The following DIRAS2 variants were observed in gnomAD, a reference collection of about 807,000 sequenced individuals.
DIRAS2 encodes the protein DIRAS family GTPase 2, also known as GTP-binding protein Di-Ras2.
Under a neutral mutation model 13.9 loss-of-function variants are expected in DIRAS2, and 5 were observed. The ratio of observed to expected loss-of-function variants is 0.36; its 90% CI spans 0.19 to 0.76. The LOEUF (loss-of-function observed/expected upper bound fraction) is 0.76. Ranked by LOEUF, DIRAS2 falls within the 30% of genes least tolerant of loss-of-function variation. The pLI is 0.53. For missense variants in DIRAS2, 191 were observed against 263.0 expected, an observed-to-expected ratio of 0.73 and a Z score of 1.89; for synonymous variants, 111 against 105.4, an observed-to-expected ratio of 1.05 and a Z score of -0.33.
At position 90,613,948 on chromosome 9, in the gene DIRAS2, C is replaced by A; in HGVS notation, c.-36-85G>T. On this transcript the variant is annotated intron_variant, in intron 1 of 1. Coordinates refer to ENST00000375765, the MANE Select transcript of DIRAS2 (RefSeq NM_017594.5). This position sits in a 1 kb window ranked among gnomAD's most constrained non-coding sequence, Gnocchi z 5.6. ...GGATAGCTCTACCCTCTTTTGATAG[C>A]TTAAAAATGGGAGGTGATAACATTT... 3 of 1,268,380 alleles carry A rather than the reference C, an allele frequency of 2.4e-6. No individual in the cohort carries two copies. The highest frequency in any genetic ancestry group is 1.7e-5 in the South Asian group (1 of 59,386). The allele number at this position is 1,268,380 out of a possible 1,614,324, so 78.6% of individuals were successfully genotyped here.
intron 1 of DIRAS2, among the ~76,000 whole-genome samples, chr9:90,628,552 C>T (rs111325378): frequency 0.067 from 9,713 of 145,820 alleles, 359 homozygotes; most frequent in Admixed American, 0.081. Context: ...CACACACACA[C>T]GTATTTTTTT....
chr9:90,621,315 CTGG>C (rs1167153019), intron 1 of DIRAS2, among the ~76,000 whole-genome samples: 9 of 152,166 alleles, frequency 5.9e-5, no homozygotes, highest in South Asian at 4.2e-4. Flanking sequence ...CTGTATAGAT[CTGG>C]TGATGGATAA....
At chr9:90,616,683 GCTGAGATCATGCCACCGCACTCCAGC>G (rs557302569) in intron 1 of DIRAS2, among the ~76,000 whole-genome samples, 16 of 137,944 alleles carry the variant, frequency 1.2e-4, no homozygotes, top group Non-Finnish European at 1.7e-4. Flanking sequence ...GTGGCAGTGA[GCTGAGATCATGCCACCGCACTCCAGC>G]CTGGGTGACA....
At chr9:90,635,831 TCA>T in intron 1 of DIRAS2, among the ~76,000 whole-genome samples, 1 of 152,274 alleles carries the variant, frequency 6.6e-6, no homozygotes, top group East Asian at 1.9e-4. Flanking sequence ...GGTAAAAGAC[TCA>T]CAGTTTCTAA....
At chr9:90,642,370 C>A (rs1825426468) in intron 1 of DIRAS2, among the ~76,000 whole-genome samples, 3 of 152,208 alleles carry the variant, frequency 2.0e-5, no homozygotes, top group African/African-American at 4.8e-5. Context: ...CAGTCCCTAG[C>A]GTGCTTGGCT....
At chr9:90,620,696 G>C (rs116146786) in intron 1 of DIRAS2, among the ~76,000 whole-genome samples, 1 of 151,308 alleles carries the variant, frequency 6.6e-6, no homozygotes, top group Non-Finnish European at 1.5e-5. Flanking sequence ...CAGAGATCAC[G>C]CCACTGCACT....
chr9:90,615,720 G>A (rs1587719110), intron 1 of DIRAS2, among the ~76,000 whole-genome samples: 1 of 152,280 alleles, frequency 6.6e-6, no homozygotes. Flanking sequence ...GGCATGATAA[G>A]ACAGAGCAAG....
intron 1 of DIRAS2, among the ~76,000 whole-genome samples, chr9:90,634,770 G>C (rs1323548204): frequency 1.3e-5 from 2 of 152,206 alleles, no homozygotes; most frequent in Non-Finnish European, 2.9e-5. Flanking sequence ...GTGAGCTCTG[G>C]TAAATTAGAA....
chr9:90,623,364 C>T (rs1282707649), intron 1 of DIRAS2, among the ~76,000 whole-genome samples: 1 of 152,126 alleles, frequency 6.6e-6, no homozygotes, highest in East Asian at 1.9e-4. Context: ...GATACACACC[C>T]CTGTTATTTT....
At chr9:90,625,823 G>A (rs919581637) in intron 1 of DIRAS2, 5 of 152,118 alleles carry the variant, frequency 3.3e-5, no homozygotes, top group African/African-American at 1.2e-4. Context: ...CATACAAATA[G>A]ATAAATTAGG....
chr9:90,625,107 G>T (rs1294700446), intron 1 of DIRAS2, among the ~76,000 whole-genome samples: 1 of 152,178 alleles, frequency 6.6e-6, no homozygotes, highest in Non-Finnish European at 1.5e-5. Context: ...ACCTCTGCAG[G>T]GAAATAGTTA....
At chr9:90,630,959 C>T (rs1336990174) in intron 1 of DIRAS2, among the ~76,000 whole-genome samples, 4 of 152,128 alleles carry the variant, frequency 2.6e-5, no homozygotes, top group African/African-American at 9.7e-5. Flanking sequence ...CCAATCAGCA[C>T]AATTAAGAAC....
chr9:90,613,012 T>A lies in DIRAS2; in HGVS notation c.*216A>T, dbSNP rs750929428. On this transcript the variant is annotated 3_prime_UTR_variant, in exon 2 of 2. Transcript: ENST00000375765. The surrounding 1 kb of genome is among the most constrained non-coding windows in gnomAD (Gnocchi z 5.6). ...TTCCCAGGGATGCTGAGTGTGTTGG[T>A]TTTCACTTGAACCGCCTGGCAGATT... 4.8e-6 allele frequency: 3 copies of A among 619,942 alleles called. No homozygotes were observed. The highest frequency in any genetic ancestry group is 8.1e-6 in the Non-Finnish European group (3 of 370,380). The allele number at this position is 619,942 out of a possible 1,614,324, so 38.4% of individuals were successfully genotyped here.
chr9:90,627,892 A>G (rs1411995137), intron 1 of DIRAS2, among the ~76,000 whole-genome samples: 1 of 152,178 alleles, frequency 6.6e-6, no homozygotes, highest in African/African-American at 2.4e-5. Flanking sequence ...GGAGAGCATT[A>G]GGACAAATAT....
intron 1 of DIRAS2, chr9:90,626,189 A>G (rs1291768352): frequency 1.3e-5 from 2 of 152,020 alleles, no homozygotes; most frequent in Non-Finnish European, 2.9e-5. Context: ...TCAAAAAAAA[A>G]AAAAAAAAAT....
rs368898592 is a variant in DIRAS2 at position 90,610,675 on chromosome 9, A to G, written c.*2553T>C. 4.7e-5 allele frequency: 17 copies of G among 363,058 alleles called. No homozygotes were observed. The highest frequency in any genetic ancestry group is 8.0e-5 in the East Asian group (2 of 25,078). 22.5% of individuals were successfully genotyped at this position (363,058 alleles called of 1,614,324 possible). A position where few individuals can be genotyped will look rare whatever the true frequency, so the allele number is the denominator to read the frequency against. On this transcript the variant is annotated 3_prime_UTR_variant, in exon 2 of 2. Transcript: ENST00000375765. The stretch of plus-strand genomic sequence containing the variant: ...TACTAACTCCTCAAACTCTGAGTCA[A>G]TTGGGGATCTCCTAAAAGACGATTT...
chr9:90,627,469 T>A (rs551293355), intron 1 of DIRAS2, among the ~76,000 whole-genome samples: 1 of 152,274 alleles, frequency 6.6e-6, no homozygotes, highest in East Asian at 1.9e-4. Flanking sequence ...CGGGTACATA[T>A]AGCAGTCAAA....
intron 1 of DIRAS2, among the ~76,000 whole-genome samples, chr9:90,617,742 A>G (rs947213765): frequency 2.0e-5 from 3 of 152,212 alleles, no homozygotes; most frequent in Non-Finnish European, 4.4e-5. Context: ...TCAGAATACA[A>G]CATTCATATA....
At chr9:90,622,612 T>TA (rs1825230231) in intron 1 of DIRAS2, among the ~76,000 whole-genome samples, 2 of 152,232 alleles carry the variant, frequency 1.3e-5, no homozygotes, top group Admixed American at 6.5e-5. Context: ...ACTTGATTGA[T>TA]AGAGTCCTGA....
Sources: allele counts gnomAD v4.1 joint callset (sites outside exome capture counted in the v4.1 genomes callset), GRCh38; gene constraint gnomAD v4.1.1; non-coding constraint Gnocchi (gnomAD v3.1); transcripts MANE v1.5; gene names NCBI Gene and HGNC (gene_info 2026-07-23, HGNC 2026-07-21).